HDAC4: variants seen among roughly 807,000 people sequenced by gnomAD.
The protein encoded by HDAC4 is histone deacetylase 4.
A neutral mutation model predicts 135.1 loss-of-function variants in HDAC4; 16 were observed. The observed-to-expected ratio is 0.12, with a 90% CI of 0.08 to 0.18. The LOEUF (loss-of-function observed/expected upper bound fraction) is 0.18. Among genes scored for constraint, HDAC4 ranks in the 10% least tolerant of loss-of-function variants. The pLI, the probability that HDAC4 is intolerant of heterozygous loss-of-function variation, is 1.00. For synonymous variants in HDAC4, 685 were observed against 653.4 expected, an observed-to-expected ratio of 1.05 and a Z score of -0.74; for missense variants, 1,143 against 1,511.8, an observed-to-expected ratio of 0.76 and a Z score of 4.05.
At chr2:239,213,978 G>T (rs1242653231) in intron 3 of HDAC4, among the ~76,000 whole-genome samples, 1 of 152,282 alleles carries the variant, frequency 6.6e-6, no homozygotes, top group Non-Finnish European at 1.5e-5. Context: ...ACATGGTTGG[G>T]AGTGAAAAGC....
At chr2:239,387,446 C>T (rs557656065) in intron 1 of HDAC4, among the ~76,000 whole-genome samples, 2 of 152,296 alleles carry the variant, frequency 1.3e-5, no homozygotes, top group South Asian at 2.1e-4. Flanking sequence ...CAAAACCCCC[C>T]ACCTTCGCCT....
intron 4 of HDAC4, chr2:239,186,550 C>G (rs1292017121): frequency 6.6e-6 from 1 of 152,160 alleles, no homozygotes; most frequent in African/African-American, 2.4e-5. Flanking sequence ...CTTTTGAGAC[C>G]CTGGCCCAGA....
chr2:239,348,362 C>T (rs918525686), intron 2 of HDAC4, among the ~76,000 whole-genome samples: 2 of 152,302 alleles, frequency 1.3e-5, no homozygotes, highest in East Asian at 3.9e-4. Flanking sequence ...TCTCTAGGCA[C>T]GAACATTCCG....
intron 2 of HDAC4, among the ~76,000 whole-genome samples, chr2:239,329,999 A>G (rs537080108): frequency 1.4e-3 from 214 of 152,256 alleles, no homozygotes; most frequent in Non-Finnish European, 1.4e-3. Flanking sequence ...GGTGTGCAGA[A>G]AGCTGGAGAG....
chr2:239,289,296 G>A (rs2051323257), intron 2 of HDAC4, among the ~76,000 whole-genome samples: 1 of 152,206 alleles, frequency 6.6e-6, no homozygotes, highest in African/African-American at 2.4e-5. Context: ...CTTGAGGTAG[G>A]GAAGGTTTTT....
chr2:239,189,064 C>G (rs6748232), intron 4 of HDAC4, among the ~76,000 whole-genome samples: 6,996 of 152,324 alleles, frequency 0.046, 362 homozygotes, highest in African/African-American at 0.13. Flanking sequence ...TTTTGTTACA[C>G]AGATATAGAT....
rs1330334160 is a variant in HDAC4 at position 239,262,128 on chromosome 2, G to GC, written c.23-25465dup. Reference sequence around the variant, plus strand: ...CCAGCGCCGCCTGCAGTGACGCCGGGCCACGCTCACCCCAAGGCCCAAGAA... The same window carrying GC: ...CCAGCGCCGCCTGCAGTGACGCCGGGCCCACGCTCACCCCAAGGCCCAAGAA... On this transcript the variant is annotated intron_variant, in intron 2 of 26. Coordinates refer to ENST00000543185, the MANE Select transcript of HDAC4 (RefSeq NM_001378414.1). The surrounding 1 kb of genome is among the most constrained non-coding windows in gnomAD (Gnocchi z 4.1). Among the ~76,000 whole-genome samples the GC allele has an allele frequency of 2.2e-4, 33 of 152,176 alleles. No homozygotes were observed. Among genetic ancestry groups the GC allele is most frequent in the Non-Finnish European group, 1.2e-4 (8 of 68,032 alleles).
At chr2:239,378,833 T>TC (rs538913772) in intron 1 of HDAC4, among the ~76,000 whole-genome samples, 40 of 152,274 alleles carry the variant, frequency 2.6e-4, no homozygotes, top group Admixed American at 1.6e-3. Flanking sequence ...CTTGGCAGAG[T>TC]CGGACAATTT....
rs11343522 is a variant in HDAC4 at position 239,320,382 on chromosome 2, C to CA, written c.22+32295dup. Among the ~76,000 whole-genome samples, 492 of 60,756 alleles carry CA rather than the reference C, an allele frequency of 8.1e-3. 1 individual carries two copies. Among genetic ancestry groups the CA allele is most frequent in the African/African-American group, 0.012 (173 of 14,122 alleles). The allele number at this position is 60,756 out of a possible 152,430, so 39.9% of individuals were successfully genotyped here. A position where few individuals can be genotyped will look rare whatever the true frequency, so the allele number is the denominator to read the frequency against. On this transcript the variant is annotated intron_variant, in intron 2 of 26. Transcript: ENST00000543185. ...GGGGAACAAGAGTGAGACTTCATCT[C>CA]AAAAAAAAAAAAAAAAAAAAAGTGA...
intron 24 of HDAC4, among the ~76,000 whole-genome samples, chr2:239,061,110 C>T (rs1482002167): frequency 3.9e-5 from 6 of 152,136 alleles, no homozygotes; most frequent in African/African-American, 9.7e-5. Flanking sequence ...AAACATTCAC[C>T]GTTGGCACGG....
rs773331234 is a variant in HDAC4, at chr2:239,338,293, G to A, written c.22+14385C>T. 3.2e-4 allele frequency among the ~76,000 whole-genome samples: 49 copies of A among 152,212 alleles called. 1 individual carries two copies. The highest frequency in any genetic ancestry group is 6.8e-3 in the Middle Eastern group (2 of 294). On this transcript the variant is annotated intron_variant, in intron 2 of 26. Transcript: ENST00000543185. Reference sequence around the variant, plus strand: ...GCCCATGCAGCTTCCTATCCACCACGTCCCTCACCACCCTCTAATACAACT... The same window carrying A: ...GCCCATGCAGCTTCCTATCCACCACATCCCTCACCACCCTCTAATACAACT...
intron 3 of HDAC4, among the ~76,000 whole-genome samples, chr2:239,223,995 G>C (rs991873958): frequency 2.0e-4 from 30 of 152,036 alleles, no homozygotes; most frequent in African/African-American, 7.2e-4. Flanking sequence ...TTCAGCGCAG[G>C]CTCGCCAACG....
At chr2:239,358,906 C>T (rs559152169) in intron 1 of HDAC4, among the ~76,000 whole-genome samples, 2 of 152,260 alleles carry the variant, frequency 1.3e-5, no homozygotes, top group South Asian at 4.2e-4. Context: ...TTACCGTATC[C>T]AGGTAAGACA....
chr2:239,296,960 T>C (rs2051934118), intron 2 of HDAC4, among the ~76,000 whole-genome samples: 1 of 147,852 alleles, frequency 6.8e-6, no homozygotes. Flanking sequence ...GCTCTCCAGA[T>C]GGCTCCAAAA....
chr2:239,187,781 T>C (rs3791553), intron 4 of HDAC4, among the ~76,000 whole-genome samples: 41,678 of 152,080 alleles, frequency 0.27, 6,203 homozygotes, highest in East Asian at 0.47. Context: ...AACTCGAGTG[T>C]GCTTGTTAAA....
chr2:239,055,138 G>A (rs964969075), intron 24 of HDAC4: 11 of 364,378 alleles, frequency 3.0e-5, no homozygotes, highest in Admixed American at 1.6e-4. Flanking sequence ...TGCCATCGAC[G>A]CCACAGGGTT....
intron 1 of HDAC4, among the ~76,000 whole-genome samples, chr2:239,380,803 C>T (rs1695365487): frequency 6.6e-6 from 1 of 152,094 alleles, no homozygotes; most frequent in South Asian, 2.1e-4. Context: ...CCGCTTTGTC[C>T]CCAACTTCAG....
intron 2 of HDAC4, among the ~76,000 whole-genome samples, chr2:239,267,662 G>A (rs2049820861): frequency 6.6e-6 from 1 of 152,260 alleles, no homozygotes; most frequent in Non-Finnish European, 1.5e-5. Context: ...CTCCACAGAA[G>A]AGGCCTGTGC....
Position 239,352,856 on chromosome 2 carries a change from G to C in HDAC4, c.-157C>G. On this transcript the variant is annotated 5_prime_UTR_variant, in exon 2 of 27. Coordinates refer to ENST00000543185, the MANE Select transcript of HDAC4 (RefSeq NM_001378414.1). This position sits in a 1 kb window ranked among gnomAD's most constrained non-coding sequence, Gnocchi z 4.4. ...TTCAAGCGCCGAGCCTCGCCGGCAA[G>C]GTCTCATGAGCCAGGTAACCCACAA... 1.3e-6 allele frequency: 1 copy of C among 751,020 alleles called. No individual in the cohort carries two copies. 46.5% of individuals were successfully genotyped at this position (751,020 alleles called of 1,614,324 possible).
Sources: allele counts gnomAD v4.1 joint callset (sites outside exome capture counted in the v4.1 genomes callset), GRCh38; gene constraint gnomAD v4.1.1; non-coding constraint Gnocchi (gnomAD v3.1); transcripts MANE v1.5; gene names NCBI Gene and HGNC (gene_info 2026-07-23, HGNC 2026-07-21).